The following ADGRB3 variants were observed in gnomAD, a reference collection of about 807,000 sequenced individuals.
ADGRB3 encodes the protein adhesion G protein-coupled receptor B3.
ADGRB3 carries 37 observed loss-of-function variants against 193.4 expected under a neutral mutation model. That is an observed-to-expected ratio of 0.19 (90% confidence interval 0.15 to 0.25). The LOEUF is 0.25. Among genes scored for constraint, ADGRB3 ranks in the 10% least tolerant of loss-of-function variants. ADGRB3 has a pLI of 1.00. For synonymous variants in ADGRB3, 690 were observed against 644.2 expected (o/e 1.07, Z -1.08); for missense variants, 1,637 against 1,852.9 (o/e 0.88, Z 2.14).
intron 5 of ADGRB3, among the ~76,000 whole-genome samples, chr6:68,938,005 A>G (rs923249119): frequency 6.6e-6 from 1 of 152,162 alleles, no homozygotes; most frequent in Non-Finnish European, 1.5e-5. Context: ...GAATGATGCA[A>G]TGAGGTGGGC....
At chr6:69,374,005 G>A (rs898303657) in intron 30 of ADGRB3, among the ~76,000 whole-genome samples, 1 of 151,878 alleles carries the variant, frequency 6.6e-6, no homozygotes, top group Non-Finnish European at 1.5e-5. Context: ...TTACTTCTAC[G>A]CTTATTATTC....
intron 3 of ADGRB3, among the ~76,000 whole-genome samples, chr6:68,641,893 C>T (rs925755211): frequency 2.0e-5 from 3 of 151,758 alleles, no homozygotes; most frequent in Non-Finnish European, 4.4e-5. Flanking sequence ...TTATTTAATA[C>T]CATTTTAAAT....
intron 17 of ADGRB3, among the ~76,000 whole-genome samples, chr6:69,102,912 G>A (rs1773104941): frequency 6.6e-6 from 1 of 151,936 alleles, no homozygotes; most frequent in Admixed American, 6.6e-5. Flanking sequence ...TTCTAATTTT[G>A]TTGTAAGAAT....
chr6:68,772,891 AAAAAT>A (rs1187951801), intron 3 of ADGRB3, among the ~76,000 whole-genome samples: 194 of 35,682 alleles, frequency 5.4e-3, no homozygotes, highest in Non-Finnish European at 8.0e-3. Flanking sequence ...ACAAAAAAAA[AAAAAT>A]ATATATATAT....
At chr6:69,034,374 C>G (rs1389621952) in intron 13 of ADGRB3, among the ~76,000 whole-genome samples, 1 of 151,342 alleles carries the variant, frequency 6.6e-6, no homozygotes, top group Non-Finnish European at 1.5e-5. Context: ...TCTTTAAAAT[C>G]ACAGAATTTT....
chr6:68,635,851 T>TA lies in ADGRB3; in HGVS notation c.-332dup, dbSNP rs1368247058. ...TTTGCTTTTCGTATGTATGCATTTT[T>TA]AAAAATAAATCCTGATTTTGGAAGC... On this transcript the variant is annotated 5_prime_UTR_variant, in exon 1 of 32. The change creates a premature stop within an existing upstream ORF in the 5' untranslated region. Transcript: ENST00000370598. The TA allele has an allele frequency of 2.0e-5, 3 of 152,718 alleles. No individual in the cohort carries two copies. The highest frequency in any genetic ancestry group is 4.4e-5 in the Non-Finnish European group (3 of 68,256). 9.5% of individuals were successfully genotyped at this position (152,718 alleles called of 1,614,324 possible).
At chr6:68,935,751 T>C (rs1767470574) in intron 4 of ADGRB3, among the ~76,000 whole-genome samples, 1 of 152,154 alleles carries the variant, frequency 6.6e-6, no homozygotes, top group South Asian at 2.1e-4. Context: ...TTCGACATAG[T>C]TTTATTGAGA....
intron 3 of ADGRB3, among the ~76,000 whole-genome samples, chr6:68,756,600 C>CA (rs768737835): frequency 2.7e-4 from 41 of 151,652 alleles, no homozygotes; most frequent in African/African-American, 7.0e-4. Context: ...TATTCAATAC[C>CA]AAAAAAAATG....
chr6:68,685,169 A>G (rs554377371), intron 3 of ADGRB3, among the ~76,000 whole-genome samples: 1 of 152,282 alleles, frequency 6.6e-6, no homozygotes, highest in East Asian at 1.9e-4. Context: ...TTACTCCTAA[A>G]TAAGTTAAGG....
intron 20 of ADGRB3, among the ~76,000 whole-genome samples, chr6:69,320,777 T>A (rs1386781371): frequency 2.0e-5 from 3 of 151,336 alleles, no homozygotes; most frequent in African/African-American, 7.3e-5. Flanking sequence ...CTCTTTATTC[T>A]CTGTTTTCAA....
intron 3 of ADGRB3, among the ~76,000 whole-genome samples, chr6:68,692,786 C>A (rs989151901): frequency 3.3e-5 from 5 of 150,766 alleles, no homozygotes; most frequent in African/African-American, 1.2e-4. Context: ...TTAATAATAT[C>A]TTTTATTTGG....
chr6:69,071,218 A>G (rs952856056), intron 16 of ADGRB3, among the ~76,000 whole-genome samples: 1 of 152,186 alleles, frequency 6.6e-6, no homozygotes, highest in African/African-American at 2.4e-5. Context: ...AATATAACAT[A>G]GTTGAGTATT....
intron 17 of ADGRB3, among the ~76,000 whole-genome samples, chr6:69,087,238 G>A (rs1772577054): frequency 6.6e-6 from 1 of 152,102 alleles, no homozygotes; most frequent in Non-Finnish European, 1.5e-5. Context: ...AGATTTAAAA[G>A]ATAAAAAGTT....
At chr6:68,674,922 T>C (rs938446443) in intron 3 of ADGRB3, among the ~76,000 whole-genome samples, 4 of 152,220 alleles carry the variant, frequency 2.6e-5, no homozygotes, top group African/African-American at 9.6e-5. Context: ...TCATAGGTTC[T>C]ACCTGGAGTA....
At chr6:69,029,493 CAT>C (rs1770556082) in intron 13 of ADGRB3, among the ~76,000 whole-genome samples, 1 of 152,170 alleles carries the variant, frequency 6.6e-6, no homozygotes, top group African/African-American at 2.4e-5. Context: ...AGAAAATACT[CAT>C]AGTCTAAAGA....
chr6:68,748,804 G>C (rs544907238), intron 3 of ADGRB3, among the ~76,000 whole-genome samples: 1 of 152,294 alleles, frequency 6.6e-6, no homozygotes, highest in African/African-American at 2.4e-5. Context: ...GGTTCTCCAT[G>C]AGGACCCCGC....
At chr6:68,821,246 T>C (rs1245799340) in intron 3 of ADGRB3, among the ~76,000 whole-genome samples, 1 of 152,050 alleles carries the variant, frequency 6.6e-6, no homozygotes, top group Non-Finnish European at 1.5e-5. Context: ...TTGCTTTTCA[T>C]ATTCTATGTT....
intron 3 of ADGRB3, among the ~76,000 whole-genome samples, chr6:68,697,763 T>A (rs1260051905): frequency 6.6e-6 from 1 of 151,964 alleles, no homozygotes; most frequent in Non-Finnish European, 1.5e-5. Flanking sequence ...TATTCCACAT[T>A]GCCCTGTTTA....
At chr6:69,069,394 A>G (rs919799934) in intron 16 of ADGRB3, among the ~76,000 whole-genome samples, 1 of 151,646 alleles carries the variant, frequency 6.6e-6, no homozygotes, top group Non-Finnish European at 1.5e-5. Flanking sequence ...ATTTACGTCT[A>G]CTAATGTCTT....
Sources: allele counts gnomAD v4.1 joint callset (sites outside exome capture counted in the v4.1 genomes callset), GRCh38; gene constraint gnomAD v4.1.1; transcripts MANE v1.5; gene names NCBI Gene and HGNC (gene_info 2026-07-23, HGNC 2026-07-21).